Variants in PCDHA4 observed in about 807,000 individuals in gnomAD.
PCDHA4 encodes the protein protocadherin alpha 4.
A neutral mutation model predicts 61.4 loss-of-function variants in PCDHA4; 49 were observed. That is an observed-to-expected ratio of 0.80 (90% CI 0.63 to 1.01). PCDHA4 has a LOEUF of 1.01. PCDHA4 is among the 50% of genes least tolerant of loss of function. PCDHA4 has a pLI of 0.00. For synonymous variants in PCDHA4, 590 were observed against 550.3 expected (o/e 1.07, Z -1.01); for missense variants, 1,254 against 1,235.8 (o/e 1.01, Z -0.22).
At chr5:140,836,647 G>A (rs2150266694) in intron 1 of PCDHA4, 3 of 1,613,346 alleles carry the variant, frequency 1.9e-6, no homozygotes, top group South Asian at 2.2e-5. Context: ...CAGCAGAGGC[G>A]GCAGAGGGTG....
At chr5:140,869,605 T>C (rs782447414) in intron 1 of PCDHA4, 132 of 1,613,940 alleles carry the variant, frequency 8.2e-5, no homozygotes, top group Non-Finnish European at 1.1e-4. Context: ...GAATGCTCTA[T>C]TGACCTACAG....
At chr5:140,829,851 C>T (rs2150176180) in intron 1 of PCDHA4, 2 of 1,613,942 alleles carry the variant, frequency 1.2e-6, no homozygotes, top group Non-Finnish European at 1.7e-6. Flanking sequence ...TCACTGGGTG[C>T]AGGCCAAGTG....
At chr5:140,857,208 C>G (rs1554149670) in intron 1 of PCDHA4, 4 of 1,598,578 alleles carry the variant, frequency 2.5e-6, no homozygotes, top group Non-Finnish European at 3.4e-6. Flanking sequence ...GTCACCTGCT[C>G]TCTGACGCCT....
intron 1 of PCDHA4, among the ~76,000 whole-genome samples, chr5:140,973,915 A>T (rs1401328396): frequency 2.0e-5 from 3 of 152,242 alleles, no homozygotes; most frequent in African/African-American, 7.2e-5. Context: ...CATTCCTGTC[A>T]CCAAACCCAG....
At position 140,841,428 on chromosome 5, in the gene PCDHA4, C is replaced by A. The variant is rs2150315251; in HGVS notation, c.2385+31856C>A. Reference sequence around the variant, plus strand: ...AGCGGCCAGCTCCACTACTCCGTCCCCGAGGAGGCCAAACACGGCACCTTC... The same window carrying A: ...AGCGGCCAGCTCCACTACTCCGTCCACGAGGAGGCCAAACACGGCACCTTC... On this transcript the variant is annotated intron_variant, in intron 1 of 3. Coordinates refer to ENST00000530339, the MANE Select transcript of PCDHA4 (RefSeq NM_018907.4). The A allele has an allele frequency of 7.4e-6, 12 of 1,612,842 alleles. No homozygotes were observed. The highest frequency in any genetic ancestry group is 5.0e-5 in the Admixed American group (3 of 59,990).
In PCDHA4 at chr5:140,843,447, G is replaced by T. The variant is rs2150360204; in HGVS notation, c.2385+33875G>T. The stretch of plus-strand genomic sequence containing the variant: ...ATCATCGCCATCTGCGCGGTATCCA[G>T]CCTGCTGGTGCTCACGCTGCTGCTG... On this transcript the variant is annotated intron_variant, in intron 1 of 3. Coordinates refer to ENST00000530339, the MANE Select transcript of PCDHA4 (RefSeq NM_018907.4). 44 of 1,596,056 alleles carry T rather than the reference G, an allele frequency of 2.8e-5. 4 individuals carry two copies. The highest frequency in any genetic ancestry group is 3.3e-4 in the Middle Eastern group (2 of 6,002).
At chr5:140,905,092 CAGTCATGAA>C (rs1554191919) in intron 1 of PCDHA4, among the ~76,000 whole-genome samples, 5 of 152,092 alleles carry the variant, frequency 3.3e-5, no homozygotes, top group African/African-American at 1.2e-4. Flanking sequence ...TTTGGGTTCT[CAGTCATGAA>C]TTGTTTGCCT....
intron 3 of PCDHA4, among the ~76,000 whole-genome samples, chr5:141,000,361 G>GTCTCTC (rs148596731): frequency 3.0e-3 from 79 of 26,442 alleles, no homozygotes; most frequent in East Asian, 6.3e-3. Flanking sequence ...GTCTCTCTCT[G>GTCTCTC]TCTCTCTCTC....
chr5:140,979,175 AAT>A, intron 2 of PCDHA4, 168 bp downstream of exon 2: 3 of 951,630 alleles, frequency 3.2e-6, no homozygotes, highest in Non-Finnish European at 3.8e-6. Flanking sequence ...AAAGATCGCA[AAT>A]GGTCAGTGCC....
chr5:140,972,386 A>G (rs2096534472), intron 1 of PCDHA4, among the ~76,000 whole-genome samples: 1 of 148,802 alleles, frequency 6.7e-6, no homozygotes, highest in African/African-American at 2.5e-5. Flanking sequence ...GTATTTGTTT[A>G]TTTGCTTCAC....
intron 1 of PCDHA4, chr5:140,870,487 T>A: frequency 6.2e-7 from 1 of 1,614,204 alleles, no homozygotes. Flanking sequence ...GTACACCGTG[T>A]TCGTGAAGGA....
intron 1 of PCDHA4, chr5:140,969,580 AT>A: frequency 2.2e-6 from 2 of 914,646 alleles, no homozygotes; most frequent in Non-Finnish European, 3.2e-6. Flanking sequence ...AGAAGTGAGG[AT>A]TAGTCTTAAT....
intron 1 of PCDHA4, among the ~76,000 whole-genome samples, chr5:140,948,075 T>C (rs1554218432): frequency 1.3e-5 from 2 of 151,684 alleles, no homozygotes; most frequent in Non-Finnish European, 3.0e-5. Flanking sequence ...AATTTTCTTT[T>C]AATCTATTGA....
At chr5:140,988,058 A>G (rs2097280755) in intron 3 of PCDHA4, among the ~76,000 whole-genome samples, 1 of 152,200 alleles carries the variant, frequency 6.6e-6, no homozygotes, top group African/African-American at 2.4e-5. Flanking sequence ...CACTGTCAAC[A>G]TGAATTTTTC....
chr5:140,823,320 G>C, intron 1 of PCDHA4: 1 of 1,612,290 alleles, frequency 6.2e-7, no homozygotes, highest in Non-Finnish European at 8.5e-7. Flanking sequence ...AGAGCGGCAA[G>C]GTGTACGCGC....
At chr5:140,833,750 A>AC (rs1554133942) in intron 1 of PCDHA4, among the ~76,000 whole-genome samples, 2 of 108,038 alleles carry the variant, frequency 1.9e-5, no homozygotes, top group African/African-American at 3.5e-5. Flanking sequence ...CCTAAAAAGA[A>AC]AACACACACA....
chr5:140,967,272 TAG>T, intron 1 of PCDHA4: 1 of 1,613,412 alleles, frequency 6.2e-7, no homozygotes, highest in Non-Finnish European at 8.5e-7. Flanking sequence ...CGCTTTCACA[TAG>T]AGAGTGCGCA....
intron 1 of PCDHA4, among the ~76,000 whole-genome samples, chr5:140,838,280 A>ATTT (rs2150286950): frequency 0.014 from 2,008 of 139,562 alleles, 92 homozygotes; most frequent in African/African-American, 0.051. Context: ...AGCCATGCTA[A>ATTT]TTTTTTTTTT....
intron 3 of PCDHA4, among the ~76,000 whole-genome samples, chr5:140,990,983 A>G (rs3776109): frequency 0.049 from 7,423 of 152,298 alleles, 240 homozygotes; most frequent in South Asian, 0.11. Flanking sequence ...AAAGGAAGAC[A>G]ATAGCTACCA....
Sources: allele counts gnomAD v4.1 joint callset (sites outside exome capture counted in the v4.1 genomes callset), GRCh38; gene constraint gnomAD v4.1.1; transcripts MANE v1.5; gene names NCBI Gene and HGNC (gene_info 2026-07-23, HGNC 2026-07-21).